Variants in SLIT3 observed in about 807,000 individuals in gnomAD.
SLIT3 encodes the protein slit guidance ligand 3, also known as slit homolog 3 protein.
SLIT3 carries 68 observed loss-of-function variants against 184.0 expected under a neutral mutation model. That is an observed-to-expected ratio of 0.37 (90% CI 0.30 to 0.45). The LOEUF (loss-of-function observed/expected upper bound fraction) is 0.45. Among genes scored for constraint, SLIT3 ranks in the 20% least tolerant of loss-of-function variants. SLIT3 has a pLI of 1.00. For missense variants in SLIT3, 1,707 were observed against 2,026.0 expected, an observed-to-expected ratio of 0.84 and a Z score of 3.02; for synonymous variants, 831 against 828.6, an observed-to-expected ratio of 1.00 and a Z score of -0.05.
intron 4 of SLIT3, among the ~76,000 whole-genome samples, chr5:169,162,137 C>T (rs192944089): frequency 2.0e-5 from 3 of 152,224 alleles, no homozygotes; most frequent in South Asian, 2.1e-4. Context: ...GAAACTTGCC[C>T]GTGGTTAGTA....
chr5:168,988,976 A>G (rs1755225793), intron 4 of SLIT3, among the ~76,000 whole-genome samples: 1 of 152,248 alleles, frequency 6.6e-6, no homozygotes, highest in African/African-American at 2.4e-5. Flanking sequence ...AAATCCTGCT[A>G]AAGCAAACTC....
chr5:168,921,758 A>G (rs1244163268), intron 4 of SLIT3, among the ~76,000 whole-genome samples: 1 of 152,212 alleles, frequency 6.6e-6, no homozygotes, highest in African/African-American at 2.4e-5. Flanking sequence ...AGAACTGATT[A>G]TCATAATGAT....
At chr5:168,795,375 TC>T in intron 10 of SLIT3, 131 bp downstream of exon 10, 3 of 720,688 alleles carry the variant, frequency 4.2e-6, no homozygotes, top group Non-Finnish European at 7.6e-6. Context: ...AGGACAGCGT[TC>T]CAGGTCTGAA....
intron 4 of SLIT3, chr5:168,992,927 G>C (rs1347401313): frequency 2.0e-5 from 3 of 152,318 alleles, no homozygotes; most frequent in East Asian, 3.9e-4. Flanking sequence ...TGTTAGCAAA[G>C]GCCCTTTACA....
intron 5 of SLIT3, among the ~76,000 whole-genome samples, chr5:168,875,245 G>C (rs965979441): frequency 6.7e-6 from 1 of 150,346 alleles, no homozygotes; most frequent in Non-Finnish European, 1.5e-5. Flanking sequence ...GAGGGAGGAA[G>C]AGAGAGGGAA....
At chr5:168,802,622 G>T (rs572207943) in intron 9 of SLIT3, among the ~76,000 whole-genome samples, 4 of 152,172 alleles carry the variant, frequency 2.6e-5, no homozygotes, top group Non-Finnish European at 5.9e-5. Context: ...CCTAGTTCCA[G>T]AACCTATTCT....
intron 4 of SLIT3, among the ~76,000 whole-genome samples, chr5:168,894,862 A>C (rs1760607574): frequency 1.3e-5 from 2 of 152,198 alleles, no homozygotes; most frequent in Non-Finnish European, 2.9e-5. Context: ...CAGATAATGA[A>C]GCTCAGGTAC....
intron 6 of SLIT3, among the ~76,000 whole-genome samples, chr5:168,842,950 T>G (rs1203493993): frequency 6.6e-6 from 1 of 152,214 alleles, no homozygotes; most frequent in Non-Finnish European, 1.5e-5. Flanking sequence ...GGGAAAATCC[T>G]GCCTACCCTT....
chr5:169,017,613 T>C (rs1000823444), intron 4 of SLIT3, among the ~76,000 whole-genome samples: 1 of 152,194 alleles, frequency 6.6e-6, no homozygotes, highest in African/African-American at 2.4e-5. Context: ...CAACTGATGC[T>C]TCCCACAAGC....
chr5:169,145,547 C>T (rs867180008), intron 4 of SLIT3, among the ~76,000 whole-genome samples: 1 of 152,250 alleles, frequency 6.6e-6, no homozygotes, highest in South Asian at 2.1e-4. Context: ...GCTAAGGGGC[C>T]CAGCCACATA....
intron 20 of SLIT3, among the ~76,000 whole-genome samples, chr5:168,728,018 G>T (rs1057198258): frequency 2.0e-5 from 3 of 152,062 alleles, no homozygotes; most frequent in Non-Finnish European, 4.4e-5. Flanking sequence ...CTAGGAAGGG[G>T]TATGACCTGA....
chr5:169,001,594 A>G (rs1301515418), intron 4 of SLIT3, among the ~76,000 whole-genome samples: 1 of 152,132 alleles, frequency 6.6e-6, no homozygotes, highest in Non-Finnish European at 1.5e-5. Flanking sequence ...TCAGCATCTC[A>G]TGACAGGCCA....
chr5:169,178,567 G>T (rs945166204), intron 4 of SLIT3, among the ~76,000 whole-genome samples: 1 of 152,102 alleles, frequency 6.6e-6, no homozygotes, highest in Non-Finnish European at 1.5e-5. Flanking sequence ...ACAAACCTGA[G>T]ATATACCGCA....
chr5:168,761,473 C>T (rs1049842494), intron 15 of SLIT3, among the ~76,000 whole-genome samples: 1 of 152,152 alleles, frequency 6.6e-6, no homozygotes, highest in African/African-American at 2.4e-5. Flanking sequence ...ACCACTACCA[C>T]TCATCCAGGG....
chr5:168,947,785 G>A (rs1762529318), intron 4 of SLIT3, among the ~76,000 whole-genome samples: 1 of 152,040 alleles, frequency 6.6e-6, no homozygotes, highest in Non-Finnish European at 1.5e-5. Flanking sequence ...TGTTGTTGTT[G>A]TTTTGTTTTT....
chr5:168,963,757 C>G (rs571118986), intron 4 of SLIT3, among the ~76,000 whole-genome samples: 2 of 152,154 alleles, frequency 1.3e-5, no homozygotes, highest in African/African-American at 4.8e-5. Context: ...TGGAACTTGT[C>G]GAATCAATGA....
At chr5:168,828,368 T>C (rs967684834) in intron 6 of SLIT3, among the ~76,000 whole-genome samples, 11 of 152,050 alleles carry the variant, frequency 7.2e-5, no homozygotes, top group Admixed American at 7.2e-4. Flanking sequence ...CAGTGGCTCA[T>C]GCCTATAATC....
At chr5:169,205,889 G>A (rs1217149105) in intron 3 of SLIT3, among the ~76,000 whole-genome samples, 1 of 152,168 alleles carries the variant, frequency 6.6e-6, no homozygotes, top group Non-Finnish European at 1.5e-5. Context: ...AGGGTCCTGA[G>A]AGCTTGGAGC....
intron 30 of SLIT3, 119 bp from the exon 31 acceptor site, chr5:168,686,046 G>T (rs997329039): frequency 6.0e-6 from 7 of 1,176,110 alleles, no homozygotes; most frequent in Non-Finnish European, 8.0e-6. Context: ...AATGACACTA[G>T]TTCTAGGGGC....
Sources: gnomAD v4.1 joint callset for allele counts (sites outside exome capture counted in the v4.1 genomes callset) on GRCh38, gnomAD v4.1.1 for gene constraint, MANE v1.5 for transcripts, NCBI Gene and HGNC (gene_info 2026-07-23, HGNC 2026-07-21) for gene names.